C1orf56: variants seen among roughly 807,000 people sequenced by gnomAD.
C1orf56 encodes chromosome 1 open reading frame 56.
Under a neutral mutation model 20.7 loss-of-function variants are expected in C1orf56, and 14 were observed. The observed-to-expected ratio is 0.68, with a 90% CI of 0.45 to 1.06. The LOEUF (loss-of-function observed/expected upper bound fraction) is 1.06. C1orf56 is among the 50% of genes least tolerant of loss of function. The probability of loss-of-function intolerance (pLI) is 0.00; values close to 1 mark genes in which losing one functional copy is unlikely to be tolerated. For synonymous variants in C1orf56, 187 were observed against 194.7 expected (o/e 0.96, Z 0.33); for missense variants, 424 against 451.4 (o/e 0.94, Z 0.55).
Position 151,047,874 on chromosome 1 carries a change from G to T in C1orf56, c.27G>T (p.Leu9=), listed in dbSNP as rs1395312314. The change falls in exon 1 of 2, where the codon CTG becomes CTT. Residue 9 remains leucine (L), a synonymous_variant. Transcript: ENST00000368926. ...TGGTCCCCGCCGCCGGCGCGCTGCT[G>T]TGGGTCCTGCTGCTGAATCTGGGTC... MVPAAGAL[L]WVLLLNLGPR... is the part of the protein sequence containing the mutation. 6.3e-7 allele frequency: 1 copy of T among 1,597,592 alleles called. No homozygotes were observed. Among genetic ancestry groups the T allele is most frequent in the Non-Finnish European group, 8.5e-7 (1 of 1,172,704 alleles).
In C1orf56 at chr1:151,050,504, T is replaced by C. The variant is rs1185705032; in HGVS notation, c.*46T>C. On this transcript the variant is annotated 3_prime_UTR_variant, in exon 2 of 2. Coordinates refer to ENST00000368926, the MANE Select transcript of C1orf56 (RefSeq NM_017860.5). ...GGAGATGTCAGTATCTCAACCTCTC[T>C]TGCCCTTTCAATCCTAGCACCCACT... 2 of 1,573,468 alleles carry C rather than the reference T, an allele frequency of 1.3e-6. No individual in the cohort carries two copies. Among genetic ancestry groups the C allele is most frequent in the Non-Finnish European group, 1.7e-6 (2 of 1,156,910 alleles).
At chr1:151,049,662 C>T (rs1217097832) in intron 1 of C1orf56, 1 of 151,900 alleles carries the variant, frequency 6.6e-6, no homozygotes, top group Non-Finnish European at 1.5e-5. Flanking sequence ...AAGCAATCCT[C>T]CCACCTTAGC....
At position 151,047,940 on chromosome 1, in the gene C1orf56, C is replaced by T; in HGVS notation, c.93C>T (p.Thr31=). Residue 31 remains threonine (T), a synonymous_variant, in exon 1 of 2, where the codon ACC becomes ACT. Coordinates refer to ENST00000368926, the MANE Select transcript of C1orf56 (RefSeq NM_017860.5). The part of the protein sequence containing the change: ...AGAQGLTQTP[T]EMQRVSLRFG... ...CCCAAGGCCTGACCCAGACTCCGACCGAAATGCAGCGGGTCAGTTTACGCT... is the reference window on the plus strand; with the variant it reads ...CCCAAGGCCTGACCCAGACTCCGACTGAAATGCAGCGGGTCAGTTTACGCT... 1 of 1,613,276 alleles carries T rather than the reference C, an allele frequency of 6.2e-7. No homozygotes were observed. The highest frequency in any genetic ancestry group is 2.2e-5 in the East Asian group (1 of 44,872).
At position 151,048,098 on chromosome 1, in the gene C1orf56, A is replaced by T. The variant is rs768802873; in HGVS notation, c.251A>T (p.Glu84Val). The T allele has an allele frequency of 1.9e-6, 3 of 1,613,454 alleles. No individual in the cohort carries two copies. In the Admixed American group the frequency reaches 5.0e-5, roughly 27 times the overall value. ...CGCCTGGCTGGACCAGCGGCTGCCG[A>T]GCTCTTGGCCGCCACGGTGTCCACC... ...ADRLAGPAAA[E>V]LLAATVSTGF... Residue 84 changes from glutamate to valine, a missense_variant, in exon 1 of 2, where the codon GAG (glutamate) becomes GTG (valine). Transcript: ENST00000368926. This position sits in a 1 kb window ranked among gnomAD's most constrained non-coding sequence, Gnocchi z 4.8.
At position 151,048,609 on chromosome 1, in the gene C1orf56, C is replaced by T. The variant is rs1362742898; in HGVS notation, c.762C>T (p.Pro254=). ...AGCCTTGCACCTATCAACAATGTCC[C>T]TGCAACCGACTTCGGGAAGAGTGCC... The part of the protein sequence containing the change: ...EHKPCTYQQC[P]CNRLREECPL... The change falls in exon 1 of 2, where the codon CCC becomes CCT. Residue 254 remains proline (P), a synonymous_variant. Transcript: ENST00000368926. The surrounding 1 kb of genome is among the most constrained non-coding windows in gnomAD (Gnocchi z 4.8). 9.3e-6 allele frequency: 15 copies of T among 1,614,260 alleles called. No homozygotes were observed. The highest frequency in any genetic ancestry group is 1.1e-5 in the Non-Finnish European group (13 of 1,180,046).
Position 151,048,509 on chromosome 1 carries a change from G to A in C1orf56, c.662G>A (p.Ser221Asn), listed in dbSNP as rs775894059. The change falls in exon 1 of 2, where the codon AGC becomes AAC. Residue 221 changes from serine (S) to asparagine (N), a missense_variant. By Grantham distance (46) the Ser-to-Asn change is conservative. Transcript: ENST00000368926. This position sits in a 1 kb window ranked among gnomAD's most constrained non-coding sequence, Gnocchi z 4.8. ...CHCKSGTMSR[S>N]RSGKLHGLSG... ...TGCAAGTCGGGCACCATGAGCCGGA[G>A]CCGGTCTGGGAAGCTGCACGGCCTT... 1 of 1,611,580 alleles carries A rather than the reference G, an allele frequency of 6.2e-7. No individual in the cohort carries two copies. The highest frequency in any genetic ancestry group is 1.1e-5 in the South Asian group (1 of 91,070).
chr1:151,050,612 G>C lies in C1orf56; in HGVS notation c.*154G>C. On this transcript the variant is annotated 3_prime_UTR_variant, in exon 2 of 2. Coordinates refer to ENST00000368926, the MANE Select transcript of C1orf56 (RefSeq NM_017860.5). ...CTTTACAGAGGTACCTGAGGGAGGA[G>C]AGACATAAATCCCTTCATCCCTAAG... The C allele has an allele frequency of 2.8e-6, 2 of 713,428 alleles. No homozygotes were observed. Among genetic ancestry groups the C allele is most frequent in the Non-Finnish European group, 4.6e-6 (2 of 434,128 alleles). 44.2% of individuals were successfully genotyped at this position (713,428 alleles called of 1,614,324 possible).
chr1:151,048,027 A>C lies in C1orf56; in HGVS notation c.180A>C (p.Thr60=). The C allele has an allele frequency of 6.2e-7, 1 of 1,614,104 alleles. No homozygotes were observed. Among genetic ancestry groups the C allele is most frequent in the Non-Finnish European group, 8.5e-7 (1 of 1,180,004 alleles). The change falls in exon 1 of 2, where the codon ACA becomes ACC. Residue 60 remains threonine, a synonymous_variant. Transcript: ENST00000368926. This position sits in a 1 kb window ranked among gnomAD's most constrained non-coding sequence, Gnocchi z 4.8. The stretch of plus-strand genomic sequence containing the variant: ...CCCGGACTGGTCTTCCCCGGAAGAC[A>C]AGGATAATCCTAGAGGACGAGAATG... ...STARTGLPRK[T]RIILEDENDA...
Position 151,050,701 on chromosome 1 carries a change from T to C in C1orf56, c.*243T>C. The C allele has an allele frequency of 2.5e-6, 1 of 398,750 alleles. No homozygotes were observed. The allele number at this position is 398,750 out of a possible 1,614,324, so 24.7% of individuals were successfully genotyped here. A position where few individuals can be genotyped will look rare whatever the true frequency, so the allele number is the denominator to read the frequency against. Reference sequence around the variant, plus strand: ...ACTCCCTGTCCCTCAGGATAAAATGTTGATATTGCTCATTTTCCTCATTTC... The same window carrying C: ...ACTCCCTGTCCCTCAGGATAAAATGCTGATATTGCTCATTTTCCTCATTTC... On this transcript the variant is annotated 3_prime_UTR_variant, in exon 2 of 2. Coordinates refer to ENST00000368926, the MANE Select transcript of C1orf56 (RefSeq NM_017860.5).
At chr1:151,050,319 G>C in intron 1 of C1orf56, 119 bp from the exon 2 acceptor site, 1 of 875,624 alleles carries the variant, frequency 1.1e-6, no homozygotes, top group Admixed American at 2.7e-5. Context: ...ATAAGTAAGG[G>C]GTGGGCAGTA....
Position 151,047,912 on chromosome 1 carries a change from G to A in C1orf56, c.65G>A (p.Gly22Glu), listed in dbSNP as rs1023558037. Residue 22 changes from glycine (G) to glutamate (E), a missense_variant, in exon 1 of 2, where the codon GGG becomes GAG. Gly to Glu is a moderately conservative substitution (Grantham distance 98). Coordinates refer to ENST00000368926, the MANE Select transcript of C1orf56 (RefSeq NM_017860.5). ...LLLNLGPRAA[G>E]AQGLTQTPTE... ...CTGAATCTGGGTCCCCGGGCGGCGGGGGCCCAAGGCCTGACCCAGACTCCG... is the reference window on the plus strand; with the variant it reads ...CTGAATCTGGGTCCCCGGGCGGCGGAGGCCCAAGGCCTGACCCAGACTCCG... 6.2e-7 allele frequency: 1 copy of A among 1,609,856 alleles called. No homozygotes were observed. Among genetic ancestry groups the A allele is most frequent in the African/African-American group, 1.3e-5 (1 of 74,980 alleles).
Position 151,051,380 on chromosome 1 carries a change from T to A in C1orf56, c.*922T>A, listed in dbSNP as rs1063533. 1.2e-4 allele frequency: 2 copies of A among 16,414 alleles called. No homozygotes were observed. The highest frequency in any genetic ancestry group is 1.2e-4 in the Non-Finnish European group (1 of 8,372). 1.0% of individuals were successfully genotyped at this position (16,414 alleles called of 1,614,324 possible). ...TTAGACCCTGAAAAATGGCAGAAAA[T>A]ACATGGAAATTTGAAAAAAAAAAAA... On this transcript the variant is annotated 3_prime_UTR_variant, in exon 2 of 2. Coordinates refer to ENST00000368926, the MANE Select transcript of C1orf56 (RefSeq NM_017860.5).
Position 151,048,282 on chromosome 1 carries a change from G to A in C1orf56, c.435G>A (p.Glu145=). ...SSTRFIANSQ[E]PEIRLTSSLP... is the part of the protein sequence containing the mutation. Reference sequence around the variant, plus strand: ...CGAGGTTTATAGCCAATAGTCAGGAGCCTGAAATCAGGCTGACTTCAAGCC... The same window carrying A: ...CGAGGTTTATAGCCAATAGTCAGGAACCTGAAATCAGGCTGACTTCAAGCC... Residue 145 remains glutamate, a synonymous_variant, in exon 1 of 2, where the codon GAG becomes GAA. Transcript: ENST00000368926. The surrounding 1 kb of genome is among the most constrained non-coding windows in gnomAD (Gnocchi z 4.8). The A allele has an allele frequency of 1.2e-6, 2 of 1,614,218 alleles. No homozygotes were observed. Among genetic ancestry groups the A allele is most frequent in the Non-Finnish European group, 1.7e-6 (2 of 1,180,036 alleles).
At position 151,048,048 on chromosome 1, in the gene C1orf56, G is replaced by A. The variant is rs1226354765; in HGVS notation, c.201G>A (p.Glu67=). 2.5e-6 allele frequency: 4 copies of A among 1,614,022 alleles called. No individual in the cohort carries two copies. The East Asian group carries it at 6.7e-5, about 27-fold the overall frequency. ...AGACAAGGATAATCCTAGAGGACGA[G>A]AATGATGCCATGGCCGACGCCGACC... The part of the protein sequence containing the change: ...PRKTRIILED[E]NDAMADADRL... Residue 67 remains glutamate, a synonymous_variant, in exon 1 of 2, where the codon GAG becomes GAA. Transcript: ENST00000368926. This position sits in a 1 kb window ranked among gnomAD's most constrained non-coding sequence, Gnocchi z 4.8.
Position 151,048,225 on chromosome 1 carries a change from T to C in C1orf56, c.378T>C (p.Ser126=), listed in dbSNP as rs1236783334. The C allele has an allele frequency of 6.2e-7, 1 of 1,614,108 alleles. No homozygotes were observed. The highest frequency in any genetic ancestry group is 1.3e-5 in the African/African-American group (1 of 74,936). ...GKDSTSRELP[S]ATPNTAGSSS... ...ATAGCACCAGCAGAGAGCTTCCCAG[T>C]GCGACTCCCAATACAGCGGGGAGTT... The change falls in exon 1 of 2, where the codon AGT becomes AGC. Residue 126 remains serine (S), a synonymous_variant. Coordinates refer to ENST00000368926, the MANE Select transcript of C1orf56 (RefSeq NM_017860.5). The surrounding 1 kb of genome is among the most constrained non-coding windows in gnomAD (Gnocchi z 4.8).
In C1orf56 at chr1:151,051,291, G is replaced by A. The variant is rs1372021099; in HGVS notation, c.*833G>A. 1 of 143,542 alleles carries A rather than the reference G, an allele frequency of 7.0e-6. No individual in the cohort carries two copies. The highest frequency in any genetic ancestry group is 1.5e-5 in the Non-Finnish European group (1 of 65,958). 8.9% of individuals were successfully genotyped at this position (143,542 alleles called of 1,614,324 possible). ...CTGAGGTATTTTAGAGCAACAAGCT[G>A]GGTTACTTTCAGAGCAACCAGCTTG... On this transcript the variant is annotated 3_prime_UTR_variant, in exon 2 of 2. Coordinates refer to ENST00000368926, the MANE Select transcript of C1orf56 (RefSeq NM_017860.5).
In C1orf56 at chr1:151,050,419, AT is replaced by A. The variant is rs587748325; in HGVS notation, c.1006-10del. 5.9e-5 allele frequency: 92 copies of A among 1,564,634 alleles called. No homozygotes were observed. Among genetic ancestry groups the A allele is most frequent in the Admixed American group, 2.0e-4 (11 of 55,738 alleles). On this transcript the variant is annotated intron_variant, in intron 1 of 1. Coordinates refer to ENST00000368926, the MANE Select transcript of C1orf56 (RefSeq NM_017860.5). ...GTGGTTGTAATTTCCCTTTTTCTCT[AT>A]TTTTTTTTCTTACGCAGATAGACAG...
chr1:151,047,800 C>T lies in C1orf56; in HGVS notation c.-48C>T, dbSNP rs587600278. On this transcript the variant is annotated 5_prime_UTR_variant, in exon 1 of 2. Coordinates refer to ENST00000368926, the MANE Select transcript of C1orf56 (RefSeq NM_017860.5). Reference sequence around the variant, plus strand: ...GAAGGGAGGGAGCGAAGGTAGGAGGCAGGGCTTGCCTCACTGGCCACCCTC... The same window carrying T: ...GAAGGGAGGGAGCGAAGGTAGGAGGTAGGGCTTGCCTCACTGGCCACCCTC... The T allele has an allele frequency of 3.7e-5, 54 of 1,475,380 alleles. No individual in the cohort carries two copies. The Middle Eastern group carries it at 6.8e-4, about 19-fold the overall frequency. The allele number at this position is 1,475,380 out of a possible 1,614,324, so 91.4% of individuals were successfully genotyped here.
chr1:151,049,735 T>C (rs1273573153), intron 1 of C1orf56: 2 of 152,234 alleles, frequency 1.3e-5, no homozygotes, highest in African/African-American at 4.8e-5. Context: ...TCTCGCTATG[T>C]TGCCCAGGCT....
Sources: allele counts gnomAD v4.1 joint callset, GRCh38; gene constraint gnomAD v4.1.1; non-coding constraint Gnocchi (gnomAD v3.1); transcripts MANE v1.5; gene names NCBI Gene and HGNC (gene_info 2026-07-23, HGNC 2026-07-21).